Variants in CYP2W1 observed in about 807,000 individuals in gnomAD.
CYP2W1 encodes the protein cytochrome P450 family 2 subfamily W member 1.
In CYP2W1, 51 loss-of-function variants were observed where a neutral mutation model predicts 44.9. The ratio of observed to expected loss-of-function variants is 1.14; its 90% CI spans 0.91 to 1.43. The LOEUF (loss-of-function observed/expected upper bound fraction) is 1.43. Among genes scored for constraint, CYP2W1 ranks in the 40% most tolerant of loss-of-function variants. The pLI, the probability that CYP2W1 is intolerant of heterozygous loss-of-function variation, is 0.00. For missense variants in CYP2W1, 746 were observed against 700.0 expected, an observed-to-expected ratio of 1.07 and a Z score of -0.74; for synonymous variants, 383 against 338.3, an observed-to-expected ratio of 1.13 and a Z score of -1.45.
At chr7:984,013 T>C (rs908454363) in intron 1 of CYP2W1, among the ~76,000 whole-genome samples, 12 of 152,130 alleles carry the variant, frequency 7.9e-5, no homozygotes, top group African/African-American at 2.7e-4. Context: ...CTGGCCGGGC[T>C]GTAGCCGAAG....
intron 5 of CYP2W1, 102 bp from the exon 6 acceptor site, chr7:987,005 G>A: frequency 7.1e-7 from 1 of 1,403,134 alleles, no homozygotes; most frequent in Non-Finnish European, 9.3e-7. Context: ...GCTGAGCCCA[G>A]ATCACCGGGG....
intron 5 of CYP2W1, 70 bp from the exon 6 acceptor site, chr7:987,037 C>T: frequency 7.0e-7 from 1 of 1,430,478 alleles, no homozygotes; most frequent in Non-Finnish European, 9.1e-7. Context: ...GAGCCCAGGG[C>T]TGGGCTGGGT....
intron 1 of CYP2W1, among the ~76,000 whole-genome samples, chr7:984,073 A>G (rs1848132675): frequency 6.6e-6 from 1 of 152,186 alleles, no homozygotes; most frequent in African/African-American, 2.4e-5. Context: ...CACTCTGTGC[A>G]GACTCTGGCC....
intron 8 of CYP2W1, 73 bp from the exon 9 acceptor site, chr7:988,562 G>A (rs1848575053): frequency 6.3e-7 from 1 of 1,598,454 alleles, no homozygotes; most frequent in Non-Finnish European, 8.5e-7. Context: ...GTGCTCCCCT[G>A]GGGAGGTCCC....
intron 4 of CYP2W1, 185 bp from the exon 5 acceptor site, chr7:986,439 G>A (rs1215413177): frequency 1.5e-6 from 1 of 661,948 alleles, no homozygotes; most frequent in Non-Finnish European, 2.6e-6. Flanking sequence ...GACACGGACA[G>A]GGGGTTTCCT....
At chr7:986,554 G>A (rs1320425186) in intron 4 of CYP2W1, 70 bp from the exon 5 acceptor site, 22 of 1,566,878 alleles carry the variant, frequency 1.4e-5, no homozygotes, top group Non-Finnish European at 1.8e-5. Flanking sequence ...CGCTGGGGAC[G>A]ATCACCGCCT....
At chr7:986,822 T>G (rs762600223) in intron 5 of CYP2W1, 25 bp downstream of exon 5, 82 of 1,507,330 alleles carry the variant, frequency 5.4e-5, no homozygotes, top group Non-Finnish European at 5.1e-5. Context: ...AAGACCTCCT[T>G]GAAGGCCTGT....
Position 983,397 on chromosome 7 carries a change from A to G in CYP2W1, c.174+12A>G. On this transcript the variant is annotated intron_variant, in intron 1 of 8. Coordinates refer to ENST00000308919, the MANE Select transcript of CYP2W1 (RefSeq NM_017781.3). The stretch of plus-strand genomic sequence containing the variant: ...GGTCCCTGATGGAGGTAAGTCAGGG[A>G]GCCCGGGCAGCTCTTGCCGCTTGGA... 6.7e-7 allele frequency: 1 copy of G among 1,488,696 alleles called. No homozygotes were observed. The highest frequency in any genetic ancestry group is 1.3e-5 in the South Asian group (1 of 79,866). The allele number at this position is 1,488,696 out of a possible 1,614,324, so 92.2% of individuals were successfully genotyped here.
Position 987,153 on chromosome 7 carries a change from G to A in CYP2W1, c.866G>A (p.Cys289Tyr). 6.3e-7 allele frequency: 1 copy of A among 1,577,912 alleles called. No homozygotes were observed. Residue 289 changes from cysteine to tyrosine, a missense_variant, in exon 6 of 9, where the codon TGC (cysteine) becomes TAC (tyrosine). Cys to Tyr is a radical substitution (Grantham distance 194, BLOSUM62 -2). Transcript: ENST00000308919. The stretch of plus-strand genomic sequence containing the variant: ...TTTGCTGAGGCCAACGCGGTGGCCT[G>A]CACCCTGGACATGGTCATGGCCGGG... ...GLFAEANAVA[C>Y]TLDMVMAGTE...
rs1203171653 is a variant in CYP2W1 at position 984,356 on chromosome 7, C to G, written c.175-56C>G. On this transcript the variant is annotated intron_variant, in intron 1 of 8. Transcript: ENST00000308919. Reference sequence around the variant, plus strand: ...CAGCACAGGCCCGGCCTGAGGGGACCTAAGGGGGGTCTTGTGGGTGAGGGC... The same window carrying G: ...CAGCACAGGCCCGGCCTGAGGGGACGTAAGGGGGGTCTTGTGGGTGAGGGC... 4.1e-6 allele frequency: 6 copies of G among 1,467,418 alleles called. No individual in the cohort carries two copies. In the East Asian group the frequency reaches 1.5e-4, roughly 38 times the overall value. 90.9% of individuals were successfully genotyped at this position (1,467,418 alleles called of 1,614,324 possible).
intron 2 of CYP2W1, 136 bp from the exon 3 acceptor site, chr7:984,814 G>A: frequency 7.7e-7 from 1 of 1,296,340 alleles, no homozygotes; most frequent in Non-Finnish European, 1.0e-6. Flanking sequence ...CCAGCCCAGG[G>A]GGACGGGAGT....
At chr7:986,559 C>T (rs1387525873) in intron 4 of CYP2W1, 65 bp from the exon 5 acceptor site, 9 of 1,573,594 alleles carry the variant, frequency 5.7e-6, no homozygotes, top group Middle Eastern at 3.6e-4. Context: ...GGGACGATCA[C>T]CGCCTGCCCA....
At chr7:984,693 G>A (rs1848192352) in intron 2 of CYP2W1, 119 bp downstream of exon 2, 1 of 1,395,276 alleles carries the variant, frequency 7.2e-7, no homozygotes, top group Admixed American at 2.6e-5. Context: ...GAGCAGGCAG[G>A]AGCTGGGCCT....
At position 988,052 on chromosome 7, in the gene CYP2W1, G is replaced by T. The variant is rs541023076; in HGVS notation, c.1144-225G>T. 7.2e-5 allele frequency among the ~76,000 whole-genome samples: 8 copies of T among 111,652 alleles called. No homozygotes were observed. The South Asian group carries it at 2.1e-3, about 29-fold the overall frequency. 73.2% of individuals were successfully genotyped at this position (111,652 alleles called of 152,430 possible). ...GGGTCCCCTCTGTGTGTCCTGGGGCGTCCCTCTCCATGCATCCTGGGTGTC... is the reference window on the plus strand; with the variant it reads ...GGGTCCCCTCTGTGTGTCCTGGGGCTTCCCTCTCCATGCATCCTGGGTGTC... On this transcript the variant is annotated intron_variant, in intron 7 of 8. Coordinates refer to ENST00000308919, the MANE Select transcript of CYP2W1 (RefSeq NM_017781.3).
rs370165376 is a variant in CYP2W1 at position 988,831 on chromosome 7, C to A, written c.*9C>A. On this transcript the variant is annotated 3_prime_UTR_variant, in exon 9 of 9. Transcript: ENST00000308919. ...CGGTGCCCAGGCCCTAGGAGCTCCC[C>A]CAGCCCCCAGGTCCTCCTGACCACT... The A allele has an allele frequency of 1.7e-5, 25 of 1,513,956 alleles. No individual in the cohort carries two copies. The highest frequency in any genetic ancestry group is 8.2e-5 in the African/African-American group (6 of 72,944). 93.8% of individuals were successfully genotyped at this position (1,513,956 alleles called of 1,614,324 possible).
In CYP2W1 at chr7:987,192, C is replaced by A; in HGVS notation, c.905C>A (p.Ser302Ter). 1 of 1,553,672 alleles carries A rather than the reference C, an allele frequency of 6.4e-7. No homozygotes were observed. The highest frequency in any genetic ancestry group is 8.7e-7 in the Non-Finnish European group (1 of 1,149,540). The change falls in exon 6 of 9, where the codon TCG (serine) becomes TAG (stop). Residue 302 changes from serine (S) to a stop codon, truncating the protein, a stop_gained. Coordinates refer to ENST00000308919, the MANE Select transcript of CYP2W1 (RefSeq NM_017781.3). LOFTEE classifies it high-confidence loss of function. Reference protein sequence around the residue: ...DMVMAGTETTSATLQWAALLM... With the variant: ...DMVMAGTETT ...GTCATGGCCGGGACGGAGACGACCTCGGCCACGCTGCAGTGGGCCGCACTT... is the reference window on the plus strand; with the variant it reads ...GTCATGGCCGGGACGGAGACGACCTAGGCCACGCTGCAGTGGGCCGCACTT...
At chr7:984,346 C>G in intron 1 of CYP2W1, 66 bp from the exon 2 acceptor site, 1 of 1,478,658 alleles carries the variant, frequency 6.8e-7, no homozygotes, top group Non-Finnish European at 8.9e-7. Flanking sequence ...CAGGCCCGGC[C>G]TGAGGGGACC....
At position 984,582 on chromosome 7, in the gene CYP2W1, T is replaced by C. The variant is rs1476873328; in HGVS notation, c.337+8T>C. The C allele has an allele frequency of 3.2e-6, 5 of 1,559,044 alleles. No individual in the cohort carries two copies. The South Asian group carries it at 3.5e-5, about 11-fold the overall frequency. ...TCATCCAGCGAGGTGGAGGTCGGTG[T>C]GTGGCCGGCGCTACGGGGCCTACTG... On this transcript the variant is annotated splice_region_variant and intron_variant, in intron 2 of 8. Transcript: ENST00000308919.
intron 1 of CYP2W1, among the ~76,000 whole-genome samples, chr7:983,606 T>A (rs1199245758): frequency 1.3e-5 from 2 of 151,998 alleles, no homozygotes; most frequent in East Asian, 3.9e-4. Context: ...GCCCTGGAGG[T>A]GCCACCCAGG....
Sources: allele counts gnomAD v4.1 joint callset (sites outside exome capture counted in the v4.1 genomes callset), GRCh38; gene constraint gnomAD v4.1.1; transcripts MANE v1.5; gene names NCBI Gene and HGNC (gene_info 2026-07-23, HGNC 2026-07-21).